ANKRD45: variants seen among roughly 807,000 people sequenced by gnomAD.
The protein encoded by ANKRD45 is ankyrin repeat domain 45.
A neutral mutation model predicts 28.1 loss-of-function variants in ANKRD45; 21 were observed. The observed-to-expected ratio is 0.75, with a 90% CI of 0.53 to 1.08. The LOEUF is 1.08. Among genes scored for constraint, ANKRD45 ranks in the 50% least tolerant of loss-of-function variants. The probability of loss-of-function intolerance (pLI) is 0.00; values close to 1 mark genes in which losing one functional copy is unlikely to be tolerated. For synonymous variants in ANKRD45, 86 were observed against 103.9 expected (o/e 0.83, Z 1.05); for missense variants, 261 against 308.7 (o/e 0.85, Z 1.16).
Position 173,647,085 on chromosome 1 carries a change from T to A in ANKRD45, c.329-72A>T, listed in dbSNP as rs941032860. 9.8e-6 allele frequency: 14 copies of A among 1,423,974 alleles called. No homozygotes were observed. The African/African-American group carries it at 1.7e-4, about 17-fold the overall frequency. The allele number at this position is 1,423,974 out of a possible 1,614,324, so 88.2% of individuals were successfully genotyped here. A position where few individuals can be genotyped will look rare whatever the true frequency, so the allele number is the denominator to read the frequency against. Reference sequence around the variant, plus strand: ...TTAGGCTAATTTATGTAGTGGAAGATCATAATGGTGATCAAGTATTGAACA... The same window carrying A: ...TTAGGCTAATTTATGTAGTGGAAGAACATAATGGTGATCAAGTATTGAACA... On this transcript the variant is annotated intron_variant, in intron 2 of 5. Transcript: ENST00000333279.
the ANKRD45 span, among the ~76,000 whole-genome samples, chr1:173,690,488 G>C: frequency 1.3e-5 from 2 of 152,140 alleles, no homozygotes; most frequent in African/African-American, 4.8e-5. Context: ...AAGGAGGGCA[G>C]GTCCTTGCCT....
At chr1:173,715,145 T>G in the ANKRD45 span, 2 of 152,352 alleles carry the variant, frequency 1.3e-5, no homozygotes, top group African/African-American at 4.8e-5. Context: ...TTCGCAGATA[T>G]GTGGTCCCAA....
intron 1 of ANKRD45, among the ~76,000 whole-genome samples, chr1:173,668,995 C>G (rs1670137642): frequency 1.3e-5 from 2 of 152,166 alleles, no homozygotes; most frequent in Non-Finnish European, 2.9e-5. Context: ...AATCTATAAA[C>G]TTTTCTTTTT....
At chr1:173,656,131 A>G (rs533339970) in intron 2 of ANKRD45, among the ~76,000 whole-genome samples, 31 of 152,260 alleles carry the variant, frequency 2.0e-4, no homozygotes, top group Non-Finnish European at 3.2e-4. Flanking sequence ...ACCAGTCCCA[A>G]TGAGATGAAC....
the ANKRD45 span, among the ~76,000 whole-genome samples, chr1:173,687,923 G>C: frequency 1.3e-5 from 2 of 151,120 alleles, no homozygotes; most frequent in African/African-American, 2.4e-5. Context: ...TAGTAATTAA[G>C]ATTTAGATCC....
intron 3 of ANKRD45, among the ~76,000 whole-genome samples, chr1:173,636,525 A>G (rs1401790352): frequency 1.3e-5 from 2 of 152,144 alleles, no homozygotes; most frequent in Non-Finnish European, 2.9e-5. Flanking sequence ...TTCATAAACG[A>G]ATACATTTTG....
chr1:173,630,844 A>AAG (rs1558125524), intron 3 of ANKRD45, among the ~76,000 whole-genome samples: 18 of 134,490 alleles, frequency 1.3e-4, no homozygotes, highest in East Asian at 1.2e-3. Context: ...AAAAAAAAAA[A>AAG]AGAGAGAGAG....
the ANKRD45 span, among the ~76,000 whole-genome samples, chr1:173,696,850 G>T: frequency 6.6e-6 from 1 of 151,936 alleles, no homozygotes; most frequent in African/African-American, 2.4e-5. Context: ...TCAGAAGGTC[G>T]GTAATAATAA....
At chr1:173,696,453 G>A in the ANKRD45 span, among the ~76,000 whole-genome samples, 2 of 152,150 alleles carry the variant, frequency 1.3e-5, no homozygotes, top group Non-Finnish European at 2.9e-5. Context: ...TTTTGTCTAT[G>A]GTGAAACATA....
the ANKRD45 span, among the ~76,000 whole-genome samples, chr1:173,691,582 G>GT: frequency 1.3e-5 from 2 of 152,136 alleles, no homozygotes; most frequent in African/African-American, 4.8e-5. Context: ...TCAGGAGATC[G>GT]AGACCATCCT....
intron 3 of ANKRD45, chr1:173,635,942 C>A: frequency 1.1e-6 from 1 of 937,152 alleles, no homozygotes; most frequent in Non-Finnish European, 1.6e-6. Flanking sequence ...GTGTTTTATT[C>A]CTCATTGTAA....
chr1:173,618,260 AC>A (rs1421996476), intron 5 of ANKRD45, among the ~76,000 whole-genome samples: 1 of 152,204 alleles, frequency 6.6e-6, no homozygotes, highest in Non-Finnish European at 1.5e-5. Context: ...TGACTGCAAC[AC>A]CTCTCCAGCA....
intron 3 of ANKRD45, among the ~76,000 whole-genome samples, chr1:173,634,798 C>T (rs937601165): frequency 1.3e-5 from 2 of 151,784 alleles, no homozygotes; most frequent in African/African-American, 2.4e-5. Context: ...TCCTTAAAGG[C>T]AAGGTCTATG....
the ANKRD45 span, among the ~76,000 whole-genome samples, chr1:173,691,355 G>C: frequency 6.6e-6 from 1 of 152,236 alleles, no homozygotes; most frequent in African/African-American, 2.4e-5. Flanking sequence ...CCTCACGAGA[G>C]TGAACCAGAG....
intron 5 of ANKRD45, among the ~76,000 whole-genome samples, chr1:173,615,744 G>T (rs1374230480): frequency 6.6e-6 from 1 of 152,074 alleles, no homozygotes; most frequent in Non-Finnish European, 1.5e-5. Context: ...TCATACAACA[G>T]TTCATTGCAG....
At chr1:173,665,052 T>C (rs948932249) in intron 1 of ANKRD45, among the ~76,000 whole-genome samples, 2 of 152,156 alleles carry the variant, frequency 1.3e-5, no homozygotes, top group Non-Finnish European at 2.9e-5. Flanking sequence ...TGGGGAACAT[T>C]TAGTAAATAG....
chr1:173,661,931 T>G (rs188763716), intron 1 of ANKRD45, among the ~76,000 whole-genome samples: 1 of 152,184 alleles, frequency 6.6e-6, no homozygotes, highest in African/African-American at 2.4e-5. Flanking sequence ...GAGAAAAAAC[T>G]TGAAAAAGAA....
At chr1:173,705,002 T>C in the ANKRD45 span, among the ~76,000 whole-genome samples, 1 of 152,214 alleles carries the variant, frequency 6.6e-6, no homozygotes, top group African/African-American at 2.4e-5. Flanking sequence ...GCTGTGCCTT[T>C]ACATCCCAGC....
the ANKRD45 span, chr1:173,715,172 A>T: frequency 1.3e-5 from 2 of 152,354 alleles, no homozygotes; most frequent in Admixed American, 6.5e-5. Context: ...GAGCTGCCCC[A>T]TGGGGTCAGG....
Sources: gnomAD v4.1 joint callset for allele counts (sites outside exome capture counted in the v4.1 genomes callset) on GRCh38, gnomAD v4.1.1 for gene constraint, MANE v1.5 for transcripts, NCBI Gene and HGNC (gene_info 2026-07-23, HGNC 2026-07-21) for gene names.